TACR1: variants seen among roughly 807,000 people sequenced by gnomAD.
TACR1 encodes the protein substance-P receptor.
Under a neutral mutation model 35.8 loss-of-function variants are expected in TACR1, and 25 were observed. The ratio of observed to expected loss-of-function variants is 0.70; its 90% CI spans 0.51 to 0.98. The LOEUF is 0.98. Among genes scored for constraint, TACR1 ranks in the 50% least tolerant of loss-of-function variants. The probability of loss-of-function intolerance (pLI) is 0.00; values close to 1 mark genes in which losing one functional copy is unlikely to be tolerated. For synonymous variants in TACR1, 195 were observed against 206.7 expected (o/e 0.94, Z 0.48); for missense variants, 478 against 522.9 (o/e 0.91, Z 0.84).
chr2:75,166,641 A>G (rs1675149580), intron 1 of TACR1, among the ~76,000 whole-genome samples: 1 of 152,224 alleles, frequency 6.6e-6, no homozygotes, highest in Non-Finnish European at 1.5e-5. Context: ...AGATATTTTC[A>G]AAGAGAGCAA....
chr2:75,080,698 C>T (rs1673071819), intron 2 of TACR1, among the ~76,000 whole-genome samples: 1 of 152,118 alleles, frequency 6.6e-6, no homozygotes, highest in Non-Finnish European at 1.5e-5. Flanking sequence ...TATTTCCAGG[C>T]AGGGTTAGCA....
intron 1 of TACR1, among the ~76,000 whole-genome samples, chr2:75,182,662 C>G (rs1675586981): frequency 6.6e-6 from 1 of 152,120 alleles, no homozygotes; most frequent in African/African-American, 2.4e-5. Context: ...CCATTGTGTT[C>G]CAAATTGCCT....
At chr2:75,185,663 G>A (rs1320951929) in intron 1 of TACR1, among the ~76,000 whole-genome samples, 1 of 152,112 alleles carries the variant, frequency 6.6e-6, no homozygotes, top group Non-Finnish European at 1.5e-5. Context: ...AAAGATTTTT[G>A]TAAAATTGTT....
At chr2:75,192,913 T>G (rs938718813) in intron 1 of TACR1, among the ~76,000 whole-genome samples, 1 of 152,162 alleles carries the variant, frequency 6.6e-6, no homozygotes, top group Non-Finnish European at 1.5e-5. Flanking sequence ...ATTAATAAAT[T>G]ATTATGAGTA....
intron 2 of TACR1, among the ~76,000 whole-genome samples, chr2:75,093,590 C>T (rs529852042): frequency 5.3e-5 from 8 of 152,138 alleles, no homozygotes; most frequent in South Asian, 4.1e-4. Context: ...CACCCATCTG[C>T]GTAGACTGCA....
chr2:75,051,395 G>C lies in TACR1; in HGVS notation c.788C>G (p.Pro263Arg). The change falls in exon 4 of 5, where the codon CCC becomes CGC. Residue 263 changes from proline to arginine, a missense_variant. Pro to Arg is a moderately radical substitution (Grantham distance 103). Transcript: ENST00000305249. ...VVCTFAICWL[P>R]FHIFFLLPYI... is the part of the protein sequence containing the mutation. ...GGGCAGGAGGAAGAAGATGTGGAAG[G>C]GCAGCCAGCAGATGGCGAAGGTGCA... 2 of 1,614,186 alleles carry C rather than the reference G, an allele frequency of 1.2e-6. No homozygotes were observed. The highest frequency in any genetic ancestry group is 1.7e-6 in the Non-Finnish European group (2 of 1,180,022).
intron 1 of TACR1, among the ~76,000 whole-genome samples, chr2:75,130,770 A>T (rs1377978663): frequency 6.6e-6 from 1 of 152,250 alleles, no homozygotes; most frequent in Non-Finnish European, 1.5e-5. Flanking sequence ...AGCAGCATCT[A>T]CACCAAAAGT....
intron 2 of TACR1, among the ~76,000 whole-genome samples, chr2:75,081,110 A>C (rs1186233749): frequency 6.6e-6 from 1 of 152,186 alleles, no homozygotes; most frequent in Non-Finnish European, 1.5e-5. Flanking sequence ...TCAATTCACC[A>C]CACCAGAGGT....
At chr2:75,143,098 G>T (rs968051293) in intron 1 of TACR1, among the ~76,000 whole-genome samples, 2 of 151,496 alleles carry the variant, frequency 1.3e-5, no homozygotes, top group Non-Finnish European at 2.9e-5. Context: ...GAGGGAGGAA[G>T]GCCTCACCTG....
At chr2:75,126,150 C>T (rs1233735788) in intron 1 of TACR1, among the ~76,000 whole-genome samples, 2 of 152,098 alleles carry the variant, frequency 1.3e-5, no homozygotes, top group Non-Finnish European at 2.9e-5. Context: ...TTAGTTCCCA[C>T]TTATAAGTGG....
intron 2 of TACR1, among the ~76,000 whole-genome samples, chr2:75,081,577 C>T (rs765913234): frequency 4.6e-5 from 7 of 152,066 alleles, no homozygotes; most frequent in Non-Finnish European, 7.4e-5. Context: ...TGTATAAGAC[C>T]CCTCTAGGTT....
At chr2:75,128,305 ACTAAGCCAGGATTGATAAAGCG>A (rs1427830799) in intron 1 of TACR1, among the ~76,000 whole-genome samples, 1 of 152,240 alleles carries the variant, frequency 6.6e-6, no homozygotes, top group East Asian at 1.9e-4. Flanking sequence ...AATGTGAGGC[ACTAAGCCAGGATTGATAAAGCG>A]CCCTAGTTGG....
intron 2 of TACR1, among the ~76,000 whole-genome samples, chr2:75,089,572 T>TA (rs766367516): frequency 6.6e-6 from 1 of 152,130 alleles, no homozygotes; most frequent in African/African-American, 2.4e-5. Context: ...TTTCAAACTT[T>TA]AAAAAAATAA....
rs564817441 is a variant in TACR1 at position 75,070,080 on chromosome 2, C to T, written c.585-16325G>A. Among the ~76,000 whole-genome samples, 218 of 152,084 alleles carry T rather than the reference C, an allele frequency of 1.4e-3. 1 individual carries two copies. Among genetic ancestry groups the T allele is most frequent in the Middle Eastern group, 6.8e-3 (2 of 294 alleles). ...TCATTTATTATTTATTCATTCATTC[C>T]TTTATATCAGTATGGACTCATGAAA... On this transcript the variant is annotated intron_variant, in intron 2 of 4. Transcript: ENST00000305249.
At chr2:75,147,395 C>T (rs1385650970) in intron 1 of TACR1, among the ~76,000 whole-genome samples, 1 of 152,136 alleles carries the variant, frequency 6.6e-6, no homozygotes, top group East Asian at 1.9e-4. Flanking sequence ...TTTATCCATC[C>T]CTATAAAGTG....
intron 4 of TACR1, 26 bp downstream of exon 4, chr2:75,051,224 GA>G (rs1672461581): frequency 1.2e-6 from 2 of 1,613,934 alleles, no homozygotes; most frequent in African/African-American, 2.7e-5. Context: ...GTGGCCCCTG[GA>G]GAGCTCATGG....
intron 2 of TACR1, among the ~76,000 whole-genome samples, chr2:75,078,613 AC>A (rs1235162004): frequency 1.3e-5 from 2 of 151,974 alleles, no homozygotes; most frequent in African/African-American, 4.8e-5. Flanking sequence ...ACCTGAACCT[AC>A]TCCAGTCACA....
chr2:75,174,755 C>A (rs991819946), intron 1 of TACR1, among the ~76,000 whole-genome samples: 1 of 152,076 alleles, frequency 6.6e-6, no homozygotes, highest in Non-Finnish European at 1.5e-5. Flanking sequence ...CTTCTATTTC[C>A]ATTTCAATTG....
At chr2:75,124,201 C>A (rs1225906593) in intron 1 of TACR1, among the ~76,000 whole-genome samples, 1 of 152,238 alleles carries the variant, frequency 6.6e-6, no homozygotes, top group Non-Finnish European at 1.5e-5. Context: ...GAGATGTAGC[C>A]TTCCTCTTGC....
Sources: allele counts gnomAD v4.1 joint callset (sites outside exome capture counted in the v4.1 genomes callset), GRCh38; gene constraint gnomAD v4.1.1; transcripts MANE v1.5; gene names NCBI Gene and HGNC (gene_info 2026-07-23, HGNC 2026-07-21).